Variants in ANXA2 observed in about 807,000 individuals in gnomAD.
ANXA2 encodes annexin A2.
In ANXA2, 28 loss-of-function variants were observed where a neutral mutation model predicts 47.3. The observed-to-expected ratio is 0.59, with a 90% CI of 0.44 to 0.81. ANXA2 has a LOEUF of 0.81. ANXA2 is among the 40% of genes least tolerant of loss of function. The pLI, the probability that ANXA2 is intolerant of heterozygous loss-of-function variation, is 0.00. For missense variants in ANXA2, 384 were observed against 414.3 expected (o/e 0.93, Z 0.64); for synonymous variants, 172 against 155.5 (o/e 1.11, Z -0.79).
At chr15:60,376,711 G>A (rs531625574) in intron 3 of ANXA2, among the ~76,000 whole-genome samples, 2 of 152,264 alleles carry the variant, frequency 1.3e-5, no homozygotes, top group East Asian at 1.9e-4. Context: ...AACAGCCTTC[G>A]TGACTCCTGC....
At chr15:60,372,554 T>C (rs890332926) in intron 3 of ANXA2, among the ~76,000 whole-genome samples, 1 of 152,166 alleles carries the variant, frequency 6.6e-6, no homozygotes, top group Non-Finnish European at 1.5e-5. Context: ...TGCTACTTAC[T>C]ACTGATTTGG....
At chr15:60,390,254 G>T (rs746877476) in intron 1 of ANXA2, 1 of 1,031,700 alleles carries the variant, frequency 9.7e-7, no homozygotes, top group Admixed American at 5.5e-5. Flanking sequence ...TCCCATGCAG[G>T]TGCCTTTTGT....
chr15:60,393,728 T>C (rs892369206), intron 1 of ANXA2: 14 of 967,704 alleles, frequency 1.4e-5, no homozygotes, highest in Non-Finnish European at 1.7e-5. Context: ...TGCAGCTTTT[T>C]GTGTGTCTGT....
chr15:60,348,537 G>A (rs1895834557), intron 12 of ANXA2, among the ~76,000 whole-genome samples: 2 of 152,166 alleles, frequency 1.3e-5, no homozygotes, highest in Admixed American at 6.5e-5. Flanking sequence ...GAGGTCAGGA[G>A]ATCGAGACCA....
intron 1 of ANXA2, among the ~76,000 whole-genome samples, chr15:60,390,037 C>T (rs2062987164): frequency 6.6e-6 from 1 of 152,186 alleles, no homozygotes; most frequent in Non-Finnish European, 1.5e-5. Flanking sequence ...ACCTCATCTT[C>T]CCTACATAGT....
At chr15:60,367,042 G>A (rs1175435178) in intron 3 of ANXA2, among the ~76,000 whole-genome samples, 5 of 64,648 alleles carry the variant, frequency 7.7e-5, no homozygotes, top group Non-Finnish European at 1.2e-4. Flanking sequence ...CCCCCCGCCC[G>A]GCCAGCCGCC....
At chr15:60,353,612 G>A (rs549157298) in intron 8 of ANXA2, among the ~76,000 whole-genome samples, 5 of 152,252 alleles carry the variant, frequency 3.3e-5, no homozygotes, top group African/African-American at 1.2e-4. Context: ...ATTCTTTGAG[G>A]TTCCTCCCTT....
chr15:60,357,743 G>A (rs1038631512), intron 5 of ANXA2, among the ~76,000 whole-genome samples: 11 of 151,188 alleles, frequency 7.3e-5, no homozygotes, highest in African/African-American at 2.4e-4. Context: ...GCAGTGAGCC[G>A]AGATCGCGCC....
At chr15:60,359,637 G>A (rs1012660343) in intron 5 of ANXA2, among the ~76,000 whole-genome samples, 2 of 152,168 alleles carry the variant, frequency 1.3e-5, no homozygotes, top group African/African-American at 4.8e-5. Flanking sequence ...CAAATTCCAG[G>A]CTTTGGAGAT....
intron 3 of ANXA2, among the ~76,000 whole-genome samples, chr15:60,381,282 CA>C (rs2062854464): frequency 6.6e-6 from 1 of 152,134 alleles, no homozygotes; most frequent in Non-Finnish European, 1.5e-5. Context: ...GGCTCTTCAC[CA>C]GGGGCACGAA....
intron 1 of ANXA2, chr15:60,397,354 T>A (rs989768581): frequency 1.0e-6 from 1 of 983,470 alleles, no homozygotes; most frequent in Non-Finnish European, 1.2e-6. Flanking sequence ...GCAAGGGGAA[T>A]AACTGACGTT....
intron 3 of ANXA2, among the ~76,000 whole-genome samples, chr15:60,373,609 G>T (rs993413521): frequency 6.6e-6 from 1 of 152,302 alleles, no homozygotes; most frequent in South Asian, 2.1e-4. Context: ...GATGCCAGGG[G>T]AGGCCTCTGG....
chr15:60,381,975 G>A (rs1347040135), intron 3 of ANXA2, among the ~76,000 whole-genome samples: 1 of 131,866 alleles, frequency 7.6e-6, no homozygotes, highest in African/African-American at 2.8e-5. Flanking sequence ...ATCTCATGCT[G>A]TACATCTCTC....
intron 3 of ANXA2, among the ~76,000 whole-genome samples, chr15:60,369,996 TAA>T (rs1178699660): frequency 6.6e-6 from 1 of 152,186 alleles, no homozygotes; most frequent in Non-Finnish European, 1.5e-5. Flanking sequence ...CCATAGCAGC[TAA>T]GTGTCCAGCC....
At chr15:60,397,305 AG>A in intron 1 of ANXA2, 1 of 985,588 alleles carries the variant, frequency 1.0e-6, no homozygotes, top group Non-Finnish European at 1.2e-6. Context: ...CTCCGGGTAG[AG>A]TGAAATCCGA....
At chr15:60,372,095 G>A (rs1361519900) in intron 3 of ANXA2, among the ~76,000 whole-genome samples, 1 of 152,170 alleles carries the variant, frequency 6.6e-6, no homozygotes, top group African/African-American at 2.4e-5. Context: ...GTTGAGGTGA[G>A]CCAAGATTGA....
intron 4 of ANXA2, among the ~76,000 whole-genome samples, chr15:60,361,786 A>C (rs2062518077): frequency 6.6e-6 from 1 of 152,122 alleles, no homozygotes; most frequent in Admixed American, 6.5e-5. Context: ...GTCAGCACCC[A>C]TGTATGTAGA....
chr15:60,357,718 T>C (rs2123833), intron 5 of ANXA2, among the ~76,000 whole-genome samples: 119,721 of 151,466 alleles, frequency 0.79, 47,728 homozygotes, highest in African/African-American at 0.87. Flanking sequence ...GGCGTGAACC[T>C]GGGAGGTGGA....
In ANXA2 at chr15:60,360,740, T is replaced by C. The variant is rs555334852; in HGVS notation, c.357+201A>G. On this transcript the variant is annotated intron_variant, in intron 5 of 12. Coordinates refer to ENST00000451270, the MANE Select transcript of ANXA2 (RefSeq NM_004039.3). The stretch of plus-strand genomic sequence containing the variant: ...GCTGGTAACTGACTTCTCAGCATCA[T>C]GAAATTTCTTTACAGTCTTAAAACA... Among the ~76,000 whole-genome samples the C allele has an allele frequency of 6.6e-5, 10 of 152,366 alleles. No homozygotes were observed. The East Asian group carries it at 1.3e-3, about 21-fold the overall frequency.
Sources: gnomAD v4.1 joint callset for allele counts (sites outside exome capture counted in the v4.1 genomes callset) on GRCh38, gnomAD v4.1.1 for gene constraint, MANE v1.5 for transcripts, NCBI Gene and HGNC (gene_info 2026-07-23, HGNC 2026-07-21) for gene names.